Variants in GLRA2 observed in about 807,000 individuals in gnomAD.
The protein encoded by GLRA2 is glycine receptor alpha 2.
GLRA2 carries 11 observed loss-of-function variants against 31.6 expected under a neutral mutation model. The ratio of observed to expected loss-of-function variants is 0.35; its 90% CI spans 0.22 to 0.58. GLRA2 has a LOEUF of 0.58. Among genes scored for constraint, GLRA2 ranks in the 20% least tolerant of loss-of-function variants. The pLI is 0.84. For synonymous variants in GLRA2, 132 were observed against 134.0 expected, an observed-to-expected ratio of 0.99 and a Z score of 0.10; for missense variants, 212 against 351.8, an observed-to-expected ratio of 0.60 and a Z score of 3.18.
At chrX:14,654,608 C>A (rs1452866753) in intron 7 of GLRA2, among the ~76,000 whole-genome samples, 2 of 111,600 alleles carry the variant, frequency 1.8e-5, no homozygotes, top group African/African-American at 3.3e-5. Context: ...CATTTTAATT[C>A]TCTGAAATCA....
At chrX:14,541,855 T>C (rs1478745429) in intron 2 of GLRA2, among the ~76,000 whole-genome samples, 1 of 111,279 alleles carries the variant, frequency 9.0e-6, no homozygotes, top group Non-Finnish European at 1.9e-5. Context: ...TAAGTTTGTA[T>C]ATAGTATGCC....
intron 4 of GLRA2, among the ~76,000 whole-genome samples, chrX:14,592,801 C>CTAT (rs2090158997): frequency 8.9e-6 from 1 of 112,490 alleles, no homozygotes; most frequent in South Asian, 3.6e-4. Context: ...TATCTGTGAA[C>CTAT]TATTATTTTA....
At chrX:14,502,897 A>AG in the GLRA2 span, among the ~76,000 whole-genome samples, 2 of 109,759 alleles carry the variant, frequency 1.8e-5, no homozygotes, top group African/African-American at 6.6e-5. Flanking sequence ...AAAAAAAAAA[A>AG]AAAACCATGG....
chrX:14,523,520 C>T, the GLRA2 span, among the ~76,000 whole-genome samples: 1 of 112,244 alleles, frequency 8.9e-6, no homozygotes, highest in Non-Finnish European at 1.9e-5. Context: ...AACTTTTGGC[C>T]TATCTCAGCT....
chrX:14,696,917 A>T (rs1205122873), intron 8 of GLRA2, among the ~76,000 whole-genome samples: 1 of 112,055 alleles, frequency 8.9e-6, no homozygotes, highest in Non-Finnish European at 1.9e-5. Context: ...ACCAAAGTTA[A>T]GTCTTGGGGG....
chrX:14,724,132 G>C (rs2091898747), intron 8 of GLRA2, among the ~76,000 whole-genome samples: 1 of 111,452 alleles, frequency 9.0e-6, no homozygotes, highest in Non-Finnish European at 1.9e-5. Flanking sequence ...TGTGTGTCTT[G>C]TGTGTATATG....
At chrX:14,477,714 G>A in the GLRA2 span, among the ~76,000 whole-genome samples, 1 of 111,386 alleles carries the variant, frequency 9.0e-6, no homozygotes, top group Non-Finnish European at 1.9e-5. Flanking sequence ...ACACAGTGTA[G>A]TGGCTTCCAT....
chrX:14,729,372 T>C (rs139279893), intron 8 of GLRA2, among the ~76,000 whole-genome samples: 296 of 111,121 alleles, frequency 2.7e-3, no homozygotes, highest in African/African-American at 9.5e-3. Flanking sequence ...ACCCCACCGT[T>C]TGACCCCCTC....
chrX:14,524,517 C>A (rs2089181428), upstream of GLRA2, among the ~76,000 whole-genome samples: 1 of 111,914 alleles, frequency 8.9e-6, no homozygotes, highest in Non-Finnish European at 1.9e-5. Flanking sequence ...TTGCCTCAAA[C>A]CTCTATTTGG....
chrX:14,657,144 C>A (rs2090949144), intron 7 of GLRA2, among the ~76,000 whole-genome samples: 1 of 111,904 alleles, frequency 8.9e-6, no homozygotes, highest in African/African-American at 3.2e-5. Flanking sequence ...TAGTCTATGA[C>A]TTAAAGGATC....
intron 2 of GLRA2, among the ~76,000 whole-genome samples, chrX:14,571,051 G>A (rs1019522331): frequency 2.7e-5 from 3 of 111,142 alleles, no homozygotes; most frequent in Non-Finnish European, 5.7e-5. Flanking sequence ...GAAAGGGAAG[G>A]GGGGAGCAGG....
upstream of GLRA2, among the ~76,000 whole-genome samples, chrX:14,526,609 G>A (rs1199148350): frequency 8.9e-6 from 1 of 111,749 alleles, no homozygotes; most frequent in Non-Finnish European, 1.9e-5. Flanking sequence ...GTGGATGATG[G>A]AGATGATGCC....
At chrX:14,624,781 A>T (rs769294801) in intron 7 of GLRA2, among the ~76,000 whole-genome samples, 1 of 111,639 alleles carries the variant, frequency 9.0e-6, no homozygotes, top group Admixed American at 9.6e-5. Context: ...TATGTGGTGA[A>T]TTTTGGAATA....
chrX:14,458,880 G>T, the GLRA2 span, among the ~76,000 whole-genome samples: 1 of 111,472 alleles, frequency 9.0e-6, no homozygotes, highest in African/African-American at 3.3e-5. Flanking sequence ...AGTTTAATTC[G>T]ATCCCATTTG....
At chrX:14,574,127 C>A (rs1380056305) in intron 2 of GLRA2, among the ~76,000 whole-genome samples, 1 of 112,228 alleles carries the variant, frequency 8.9e-6, no homozygotes, top group Non-Finnish European at 1.9e-5. Flanking sequence ...ATCCAAAACT[C>A]TTCAGGGTAA....
chrX:14,674,130 T>C (rs1443090715), intron 7 of GLRA2, among the ~76,000 whole-genome samples: 2 of 112,165 alleles, frequency 1.8e-5, no homozygotes, highest in Non-Finnish European at 3.8e-5. Flanking sequence ...TGAACTCAGC[T>C]TCCTTATCCT....
chrX:14,660,335 G>A (rs149332325), intron 7 of GLRA2, among the ~76,000 whole-genome samples: 61 of 111,612 alleles, frequency 5.5e-4, no homozygotes, highest in African/African-American at 1.9e-3. Flanking sequence ...GAAACTCTAC[G>A]GTGAAAGCAA....
the GLRA2 span, among the ~76,000 whole-genome samples, chrX:14,503,398 T>C: frequency 9.0e-6 from 1 of 111,632 alleles, no homozygotes; most frequent in East Asian, 2.8e-4. Flanking sequence ...TTCCGACGAT[T>C]AGTTTCTATT....
At chrX:14,584,813 G>C (rs2090062971) in intron 4 of GLRA2, among the ~76,000 whole-genome samples, 1 of 111,966 alleles carries the variant, frequency 8.9e-6, no homozygotes. Flanking sequence ...GCAGCACAGA[G>C]CATCAGCTGC....
Sources: allele counts gnomAD v4.1 joint callset (sites outside exome capture counted in the v4.1 genomes callset), GRCh38; gene constraint gnomAD v4.1.1; transcripts MANE v1.5; gene names NCBI Gene and HGNC (gene_info 2026-07-23, HGNC 2026-07-21).